Variants in PPP1R9A observed in about 807,000 individuals in gnomAD.
PPP1R9A encodes protein phosphatase 1 regulatory subunit 9A, also known as neurabin-1.
Under a neutral mutation model 141.9 loss-of-function variants are expected in PPP1R9A, and 59 were observed. The ratio of observed to expected loss-of-function variants is 0.42; its 90% CI spans 0.34 to 0.52. PPP1R9A has a LOEUF of 0.52. Ranked by LOEUF, PPP1R9A falls within the 20% of genes least tolerant of loss-of-function variation. The pLI, the probability that PPP1R9A is intolerant of heterozygous loss-of-function variation, is 0.10. For missense variants in PPP1R9A, 1,444 were observed against 1,611.9 expected, an observed-to-expected ratio of 0.90 and a Z score of 1.78; for synonymous variants, 500 against 569.7, an observed-to-expected ratio of 0.88 and a Z score of 1.74.
intron 2 of PPP1R9A, among the ~76,000 whole-genome samples, chr7:94,977,498 A>G (rs1799583908): frequency 6.6e-6 from 1 of 152,340 alleles, no homozygotes; most frequent in African/African-American, 2.4e-5. Flanking sequence ...AACATTGAAG[A>G]CATTGGTAAT....
chr7:95,135,487 A>T (rs1043052961), intron 4 of PPP1R9A, among the ~76,000 whole-genome samples: 1 of 152,032 alleles, frequency 6.6e-6, no homozygotes, highest in Non-Finnish European at 1.5e-5. Flanking sequence ...TTATTTTCAG[A>T]CATTTTTTGA....
chr7:95,234,396 G>A (rs1017846817), intron 8 of PPP1R9A, among the ~76,000 whole-genome samples: 1 of 152,130 alleles, frequency 6.6e-6, no homozygotes, highest in African/African-American at 2.4e-5. Context: ...ACCAAGCTGA[G>A]AATCGAATCA....
chr7:94,925,107 A>G (rs536669534), intron 2 of PPP1R9A, among the ~76,000 whole-genome samples: 2 of 152,278 alleles, frequency 1.3e-5, no homozygotes, highest in South Asian at 4.1e-4. Flanking sequence ...GATTATGGAG[A>G]CTGGCAAGTC....
At chr7:95,009,164 G>A (rs758846252) in intron 2 of PPP1R9A, among the ~76,000 whole-genome samples, 2 of 152,154 alleles carry the variant, frequency 1.3e-5, no homozygotes, top group African/African-American at 4.8e-5. Flanking sequence ...GGTCGGGGAA[G>A]GGGGGAGGGA....
intron 4 of PPP1R9A, chr7:95,155,313 A>G (rs1474908716): frequency 6.6e-6 from 1 of 151,464 alleles, no homozygotes; most frequent in East Asian, 2.0e-4. Flanking sequence ...CAGCCTCCCA[A>G]GTAGCTGGAC....
At chr7:95,248,700 A>C (rs1479604027) in intron 9 of PPP1R9A, among the ~76,000 whole-genome samples, 1 of 152,130 alleles carries the variant, frequency 6.6e-6, no homozygotes, top group African/African-American at 2.4e-5. Flanking sequence ...TTTAACTTAG[A>C]AAATACTATA....
At chr7:95,037,937 C>T (rs1333673599) in intron 2 of PPP1R9A, among the ~76,000 whole-genome samples, 3 of 127,434 alleles carry the variant, frequency 2.4e-5, no homozygotes, top group Non-Finnish European at 3.2e-5. Flanking sequence ...AAACCTTGTT[C>T]TACAAAATAA....
chr7:95,284,820 A>G (rs1361510339), intron 17 of PPP1R9A, among the ~76,000 whole-genome samples: 1 of 152,218 alleles, frequency 6.6e-6, no homozygotes, highest in Admixed American at 6.5e-5. Context: ...TAAATGCATG[A>G]TGGTTATTTC....
chr7:94,951,773 G>A (rs2151034786), intron 2 of PPP1R9A, among the ~76,000 whole-genome samples: 1 of 150,618 alleles, frequency 6.6e-6, no homozygotes, highest in East Asian at 2.0e-4. Context: ...TTCTGAAGCA[G>A]TTTTTGTAAT....
intron 2 of PPP1R9A, among the ~76,000 whole-genome samples, chr7:94,930,935 C>T (rs1009065220): frequency 6.6e-6 from 1 of 152,164 alleles, no homozygotes; most frequent in Non-Finnish European, 1.5e-5. Context: ...CAGTGCTGGG[C>T]TTAGCTGTCA....
chr7:95,217,978 C>G (rs556346683), intron 7 of PPP1R9A, among the ~76,000 whole-genome samples: 1 of 152,104 alleles, frequency 6.6e-6, no homozygotes, highest in South Asian at 2.1e-4. Context: ...CCTTCAGTTC[C>G]ACTCTGATCT....
chr7:95,069,582 A>G (rs147608894), intron 2 of PPP1R9A, among the ~76,000 whole-genome samples: 1,690 of 151,894 alleles, frequency 0.011, 15 homozygotes, highest in Non-Finnish European at 0.017. Flanking sequence ...ATATGCCCCA[A>G]CCATTGTATT....
chr7:94,949,446 T>G (rs1234716561), intron 2 of PPP1R9A, among the ~76,000 whole-genome samples: 2 of 152,130 alleles, frequency 1.3e-5, no homozygotes, highest in East Asian at 3.9e-4. Flanking sequence ...AATGGGATAC[T>G]TAGGTCAGGT....
intron 2 of PPP1R9A, among the ~76,000 whole-genome samples, chr7:95,085,423 T>G (rs74946401): frequency 4.6e-5 from 2 of 43,244 alleles, no homozygotes; most frequent in Middle Eastern, 0.014. Context: ...AATTTTTGGT[T>G]TTTTTTTTTT....
chr7:95,223,822 G>A lies in PPP1R9A; in HGVS notation c.1957-2139G>A, dbSNP rs916805492. ...GTTTTGCTGCCATTTGTAATGATAG[G>A]GTTAAAAACAAGTACACAGTTTTAT... is the stretch of plus-strand genomic sequence containing the variant. On this transcript the variant is annotated intron_variant, in intron 7 of 19. Coordinates refer to ENST00000433360, the MANE Select transcript of PPP1R9A (RefSeq NM_001166160.2). 7.8e-4 allele frequency among the ~76,000 whole-genome samples: 118 copies of A among 151,848 alleles called. 1 individual carries two copies. Among genetic ancestry groups the A allele is most frequent in the African/African-American group, 2.7e-3 (112 of 41,436 alleles).
At chr7:94,932,559 G>A (rs1206477039) in intron 2 of PPP1R9A, among the ~76,000 whole-genome samples, 1 of 152,112 alleles carries the variant, frequency 6.6e-6, no homozygotes, top group South Asian at 2.1e-4. Context: ...TCTTAAAATT[G>A]AGAGAGTATG....
At chr7:95,206,177 A>G (rs1377702552) in intron 7 of PPP1R9A, among the ~76,000 whole-genome samples, 1 of 152,200 alleles carries the variant, frequency 6.6e-6, no homozygotes, top group African/African-American at 2.4e-5. Context: ...GCCTTAAATC[A>G]TAGAAACATA....
intron 2 of PPP1R9A, among the ~76,000 whole-genome samples, chr7:95,010,978 T>G (rs1012060676): frequency 2.6e-5 from 4 of 152,174 alleles, no homozygotes; most frequent in Admixed American, 6.5e-5. Context: ...AATTGGAGTC[T>G]GCCTGACAGA....
upstream of PPP1R9A, chr7:94,907,526 CT>C (rs1790883304): frequency 1.3e-5 from 2 of 152,256 alleles, no homozygotes; most frequent in East Asian, 3.9e-4. Flanking sequence ...AGGAAGGGGC[CT>C]TGCCCCAGGC....
Sources: gnomAD v4.1 joint callset for allele counts (sites outside exome capture counted in the v4.1 genomes callset) on GRCh38, gnomAD v4.1.1 for gene constraint, MANE v1.5 for transcripts, NCBI Gene and HGNC (gene_info 2026-07-23, HGNC 2026-07-21) for gene names.